Variants in KRT72 observed in about 807,000 individuals in gnomAD.
KRT72 encodes the protein keratin, type II cytoskeletal 72.
Under a neutral mutation model 44.7 loss-of-function variants are expected in KRT72, and 44 were observed. The observed-to-expected ratio is 0.98, with a 90% CI of 0.77 to 1.27. The LOEUF (loss-of-function observed/expected upper bound fraction) is 1.27. Among genes scored for constraint, KRT72 ranks in the 50% most tolerant of loss-of-function variants. The probability of loss-of-function intolerance (pLI) is 0.00; values close to 1 mark genes in which losing one functional copy is unlikely to be tolerated. For missense variants in KRT72, 736 were observed against 667.1 expected (o/e 1.10, Z -1.14); for synonymous variants, 302 against 280.4 (o/e 1.08, Z -0.77).
At chr12:52,594,518 A>G (rs1274595157) in intron 2 of KRT72, among the ~76,000 whole-genome samples, 1 of 152,150 alleles carries the variant, frequency 6.6e-6, no homozygotes, top group African/African-American at 2.4e-5. Context: ...ACAGAAAACC[A>G]AACACCGCAT....
chr12:52,586,792 C>T (rs1939770347), intron 8 of KRT72, among the ~76,000 whole-genome samples, 154 bp downstream of exon 8: 1 of 152,172 alleles, frequency 6.6e-6, no homozygotes, highest in Admixed American at 6.5e-5. Context: ...TCCACTGCTT[C>T]CCCTTAGTTA....
chr12:52,586,028 G>A lies in KRT72; in HGVS notation c.1490C>T (p.Ala497Val), dbSNP rs148790107. The change falls in exon 9 of 9, where the codon GCC becomes GTC. Residue 497 changes from alanine to valine, a missense_variant. Coordinates refer to ENST00000293745, the MANE Select transcript of KRT72 (RefSeq NM_080747.3). Reference protein sequence around the residue: ...SCGSELKDPLAKTSGSSCATK... With the variant: ...SCGSELKDPLVKTSGSSCATK... ...GGCACAGCTGCTCCCCGAGGTTTTGGCAAGGGGATCCTTGAGCTCACTGCC... is the reference window on the plus strand; with the variant it reads ...GGCACAGCTGCTCCCCGAGGTTTTGACAAGGGGATCCTTGAGCTCACTGCC... 3.7e-6 allele frequency: 6 copies of A among 1,613,918 alleles called. No individual in the cohort carries two copies. The highest frequency in any genetic ancestry group is 4.5e-5 in the East Asian group (2 of 44,886).
At chr12:52,594,802 G>A (rs2120780279) in intron 2 of KRT72, among the ~76,000 whole-genome samples, 1 of 152,290 alleles carries the variant, frequency 6.6e-6, no homozygotes, top group Non-Finnish European at 1.5e-5. Flanking sequence ...GGTAGTGAAG[G>A]GAGCTATTTC....
At chr12:52,602,777 G>T (rs1358101287), upstream of KRT72, among the ~76,000 whole-genome samples, 2 of 152,188 alleles carry the variant, frequency 1.3e-5, no homozygotes, top group African/African-American at 4.8e-5. Flanking sequence ...CTGAAGGCTG[G>T]GTTCCCCTTG....
chr12:52,592,990 A>T, intron 2 of KRT72, 38 bp from the exon 3 acceptor site: 1 of 1,590,906 alleles, frequency 6.3e-7, no homozygotes, highest in South Asian at 1.1e-5. Flanking sequence ...TCAGTTCTGC[A>T]AACACTCACT....
intron 6 of KRT72, 68 bp downstream of exon 6, chr12:52,590,768 T>A: frequency 2.7e-6 from 4 of 1,455,742 alleles, no homozygotes; most frequent in Non-Finnish European, 3.7e-6. Context: ...TACCCTTTCT[T>A]CATATTCTGT....
At chr12:52,598,172 C>T (rs531138941) in intron 2 of KRT72, among the ~76,000 whole-genome samples, 8 of 152,264 alleles carry the variant, frequency 5.3e-5, no homozygotes, top group South Asian at 2.1e-4. Context: ...GTGTCTCCTC[C>T]TTCCTTAGGT....
chr12:52,591,371 C>CACAA, intron 5 of KRT72, 93 bp downstream of exon 5: 2 of 1,378,740 alleles, frequency 1.5e-6, no homozygotes, highest in Non-Finnish European at 2.0e-6. Flanking sequence ...CACACACACA[C>CACAA]ACAAACACAC....
intron 7 of KRT72, 45 bp downstream of exon 7, chr12:52,587,577 CCTACCAAAG>C: frequency 6.3e-7 from 1 of 1,586,312 alleles, no homozygotes; most frequent in Non-Finnish European, 8.7e-7. Context: ...CTTGGAGCTT[CCTACCAAAG>C]CAGAGAGAAA....
intron 2 of KRT72, among the ~76,000 whole-genome samples, chr12:52,596,766 G>A (rs886782525): frequency 6.6e-6 from 1 of 151,976 alleles, no homozygotes; most frequent in African/African-American, 2.4e-5. Context: ...TGGCCAGCTG[G>A]CCTCGAACTC....
At chr12:52,591,333 C>A (rs768075336) in intron 5 of KRT72, 131 bp downstream of exon 5, 18 of 965,956 alleles carry the variant, frequency 1.9e-5, no homozygotes, top group Non-Finnish European at 2.3e-5. Flanking sequence ...AACTTCAAGA[C>A]AAAGGAGGTC....
chr12:52,595,260 T>C (rs912976598), intron 2 of KRT72, among the ~76,000 whole-genome samples: 1 of 152,072 alleles, frequency 6.6e-6, no homozygotes, highest in Non-Finnish European at 1.5e-5. Context: ...AAATAACTTA[T>C]TATTTAAAAA....
At chr12:52,600,728 C>CT (rs11437152) in intron 1 of KRT72, among the ~76,000 whole-genome samples, 51,794 of 148,590 alleles carry the variant, frequency 0.35, 9,490 homozygotes, top group East Asian at 0.59. Flanking sequence ...AATGAAACCT[C>CT]TTTTTTTTTT....
chr12:52,601,456 T>C lies in KRT72; in HGVS notation c.-4A>G, dbSNP rs1280608850. The C allele has an allele frequency of 6.5e-7, 1 of 1,534,902 alleles. No homozygotes were observed. The highest frequency in any genetic ancestry group is 8.7e-7 in the Non-Finnish European group (1 of 1,146,282). On this transcript the variant is annotated 5_prime_UTR_variant, in exon 1 of 9. Coordinates refer to ENST00000293745, the MANE Select transcript of KRT72 (RefSeq NM_080747.3). ...AATGGGTCAGTTGGCGGCTCATGGC[T>C]CGCAAGTACCGGTGCTGGCCGCGCG...
intron 7 of KRT72, 95 bp from the exon 8 acceptor site, chr12:52,587,075 T>G (rs999287096): frequency 1.7e-6 from 2 of 1,196,346 alleles, no homozygotes. Flanking sequence ...CCACGCAGAA[T>G]GTGCCTTCCC....
chr12:52,601,609 G>A (rs1940468138), upstream of KRT72: 2 of 691,600 alleles, frequency 2.9e-6, no homozygotes, highest in Non-Finnish European at 4.7e-6. Context: ...GGCCTCTTGG[G>A]TTCTTCATGT....
chr12:52,599,155 T>C, intron 1 of KRT72, 43 bp from the exon 2 acceptor site: 1 of 1,599,480 alleles, frequency 6.3e-7, no homozygotes. Context: ...CCCATGTTGT[T>C]GCCTCTCAAG....
chr12:52,599,884 T>C (rs897485576), intron 1 of KRT72, among the ~76,000 whole-genome samples: 11 of 149,898 alleles, frequency 7.3e-5, no homozygotes, highest in African/African-American at 2.5e-4. Flanking sequence ...AATATCCTCA[T>C]CTGCAAGGCA....
intron 3 of KRT72, 148 bp downstream of exon 3, chr12:52,592,744 T>G: frequency 2.8e-6 from 2 of 711,048 alleles, no homozygotes; most frequent in East Asian, 2.6e-5. Flanking sequence ...GCAAGGGACT[T>G]GGAGGGAGGG....
Sources: gnomAD v4.1 joint callset for allele counts (sites outside exome capture counted in the v4.1 genomes callset) on GRCh38, gnomAD v4.1.1 for gene constraint, MANE v1.5 for transcripts, NCBI Gene and HGNC (gene_info 2026-07-23, HGNC 2026-07-21) for gene names.